GNG7: variants seen among roughly 807,000 people sequenced by gnomAD.
GNG7 encodes the protein G protein subunit gamma 7, also known as guanine nucleotide-binding protein G(I)/G(S)/G(O) subunit gamma-7.
GNG7 carries 1 observed loss-of-function variant against 4.0 expected under a neutral mutation model. That is an observed-to-expected ratio of 0.25 (90% CI 0.09 to 1.18). The LOEUF is 1.18. GNG7 is among the 50% of genes most tolerant of loss of function. The probability of loss-of-function intolerance (pLI) is 0.50; values close to 1 mark genes in which losing one functional copy is unlikely to be tolerated. For synonymous variants in GNG7, 34 were observed against 36.9 expected, an observed-to-expected ratio of 0.92 and a Z score of 0.29; for missense variants, 86 against 91.9, an observed-to-expected ratio of 0.94 and a Z score of 0.26.
intron 2 of GNG7, among the ~76,000 whole-genome samples, chr19:2,570,850 TAC>T (rs1980122891): frequency 6.6e-6 from 1 of 152,076 alleles, no homozygotes; most frequent in Non-Finnish European, 1.5e-5. Flanking sequence ...CAGGCTGGAG[TAC>T]AGTGGTGCAA....
At chr19:2,654,500 C>G (rs1289764562) in intron 1 of GNG7, among the ~76,000 whole-genome samples, 1 of 151,604 alleles carries the variant, frequency 6.6e-6, no homozygotes, top group East Asian at 2.0e-4. Context: ...CTGATGTCCC[C>G]TGGGGAACAG....
chr19:2,518,615 C>G (rs1407880033), intron 4 of GNG7, among the ~76,000 whole-genome samples: 1 of 152,042 alleles, frequency 6.6e-6, no homozygotes, highest in Non-Finnish European at 1.5e-5. Flanking sequence ...TGTCCGCCTC[C>G]CCGCTGGGAG....
chr19:2,599,261 A>ATGTC (rs1300482144), intron 2 of GNG7, among the ~76,000 whole-genome samples: 18 of 151,910 alleles, frequency 1.2e-4, no homozygotes, highest in African/African-American at 4.1e-4. Context: ...GACTTGGTAG[A>ATGTC]TGTCTGTCTG....
chr19:2,568,143 A>G (rs1257386830), intron 2 of GNG7, among the ~76,000 whole-genome samples: 1 of 150,690 alleles, frequency 6.6e-6, no homozygotes, highest in Non-Finnish European at 1.5e-5. Flanking sequence ...ACACATATAC[A>G]CATGCACACA....
intron 1 of GNG7, among the ~76,000 whole-genome samples, chr19:2,693,072 C>G (rs1016135426): frequency 1.3e-5 from 2 of 151,876 alleles, no homozygotes; most frequent in African/African-American, 4.8e-5. Context: ...GGGTGGATCA[C>G]TTGAGCTCAG....
intron 3 of GNG7, among the ~76,000 whole-genome samples, chr19:2,551,568 T>TAATATATAAA (rs1446332971): frequency 1.5e-4 from 12 of 78,688 alleles, no homozygotes; most frequent in East Asian, 1.5e-3. Context: ...TATTTATCTA[T>TAATATATAAA]TATCTATAAT....
chr19:2,582,489 A>ATTT (rs577054566), intron 2 of GNG7, among the ~76,000 whole-genome samples: 1 of 148,322 alleles, frequency 6.7e-6, no homozygotes, highest in Middle Eastern at 3.2e-3. Context: ...TTAAATGACA[A>ATTT]TTTTTTTTTT....
At chr19:2,639,159 G>A (rs1051819193) in intron 2 of GNG7, among the ~76,000 whole-genome samples, 6 of 151,768 alleles carry the variant, frequency 4.0e-5, no homozygotes, top group Admixed American at 6.6e-5. Context: ...GCTTGAACCC[G>A]GAAGGAGGAG....
At chr19:2,594,545 C>A (rs148478001) in intron 2 of GNG7, among the ~76,000 whole-genome samples, 170 of 152,266 alleles carry the variant, frequency 1.1e-3, no homozygotes, top group African/African-American at 3.9e-3. Flanking sequence ...CTCTGAGTGT[C>A]GTCACCTCCT....
intron 1 of GNG7, among the ~76,000 whole-genome samples, chr19:2,696,291 AG>A: frequency 4.8e-5 from 6 of 126,278 alleles, no homozygotes; most frequent in African/African-American, 1.8e-4. Flanking sequence ...AAAGAGAGAG[AG>A]AGAAAGAAAG....
intron 2 of GNG7, among the ~76,000 whole-genome samples, chr19:2,574,772 C>T (rs925472227): frequency 5.9e-5 from 9 of 152,202 alleles, no homozygotes; most frequent in Non-Finnish European, 1.2e-4. Context: ...ATGGTAATTC[C>T]GTGTTTACCA....
intron 1 of GNG7, among the ~76,000 whole-genome samples, chr19:2,671,255 C>T (rs1983444715): frequency 7.4e-6 from 1 of 135,304 alleles, no homozygotes; most frequent in South Asian, 2.5e-4. Flanking sequence ...TCAGACAACC[C>T]ACCTTCCACC....
rs555076430 is a variant in GNG7, at chr19:2,672,323, T to C, written c.-134-26043A>G. ...GGCGTGAGCCACTGCACCTGGCCTA[T>C]TTTTAAATATTTTGTAGAGATGGGG... On this transcript the variant is annotated intron_variant, in intron 1 of 4. Transcript: ENST00000382159. 6.0e-4 allele frequency among the ~76,000 whole-genome samples: 92 copies of C among 152,164 alleles called. 2 individuals are homozygous for C. The South Asian group carries it at 0.019, about 31-fold the overall frequency.
intron 1 of GNG7, among the ~76,000 whole-genome samples, chr19:2,699,965 C>T (rs1489058813): frequency 6.6e-6 from 1 of 152,098 alleles, no homozygotes; most frequent in Non-Finnish European, 1.5e-5. Flanking sequence ...TGTTACTTAA[C>T]GAGCTTTGAG....
At chr19:2,647,756 G>A (rs1046381933) in intron 1 of GNG7, among the ~76,000 whole-genome samples, 10 of 151,948 alleles carry the variant, frequency 6.6e-5, no homozygotes, top group Admixed American at 4.6e-4. Flanking sequence ...GGCCAGGCAC[G>A]GTGGCTCACA....
At chr19:2,674,859 G>A (rs1005378346) in intron 1 of GNG7, among the ~76,000 whole-genome samples, 1 of 152,164 alleles carries the variant, frequency 6.6e-6, no homozygotes, top group African/African-American at 2.4e-5. Flanking sequence ...CGACAGCGCC[G>A]ACTCCATCGG....
chr19:2,521,482 C>T (rs1442657599), intron 3 of GNG7, among the ~76,000 whole-genome samples: 76 of 152,042 alleles, frequency 5.0e-4, no homozygotes, highest in Non-Finnish European at 2.9e-5. Context: ...GGACATTGCT[C>T]AGCTCCCTGC....
At chr19:2,619,012 C>T (rs115491521) in intron 2 of GNG7, among the ~76,000 whole-genome samples, 8,265 of 152,168 alleles carry the variant, frequency 0.054, 743 homozygotes, top group African/African-American at 0.19. Context: ...AAAACGGTTA[C>T]TATCCATGAA....
intron 3 of GNG7, among the ~76,000 whole-genome samples, chr19:2,521,261 G>A (rs1974580): frequency 0.57 from 86,725 of 150,836 alleles, 24,971 homozygotes; most frequent in Non-Finnish European, 0.59. Context: ...GCAAGACTCC[G>A]TCTCAAAAAA....
Sources: allele counts gnomAD v4.1 joint callset (sites outside exome capture counted in the v4.1 genomes callset), GRCh38; gene constraint gnomAD v4.1.1; transcripts MANE v1.5; gene names NCBI Gene and HGNC (gene_info 2026-07-23, HGNC 2026-07-21).